SRC: variants seen among roughly 807,000 people sequenced by gnomAD.
The protein encoded by SRC is SRC proto-oncogene, non-receptor tyrosine kinase, also known as proto-oncogene tyrosine-protein kinase Src.
SRC carries 13 observed loss-of-function variants against 62.9 expected under a neutral mutation model. That is an observed-to-expected ratio of 0.21 (90% CI 0.13 to 0.33). The LOEUF is 0.33. Ranked by LOEUF, SRC falls within the 10% of genes least tolerant of loss-of-function variation. SRC has a pLI of 1.00. For missense variants in SRC, 457 were observed against 737.3 expected (o/e 0.62, Z 4.40); for synonymous variants, 302 against 317.5 (o/e 0.95, Z 0.52).
At chr20:37,345,137 T>C (rs1317848885), upstream of SRC, among the ~76,000 whole-genome samples, 2 of 152,022 alleles carry the variant, frequency 1.3e-5, no homozygotes, top group Non-Finnish European at 2.9e-5. Context: ...ATCTGTGAAA[T>C]GGGAGAACTT....
At chr20:37,375,114 A>T (rs1032887382) in intron 2 of SRC, among the ~76,000 whole-genome samples, 10 of 151,688 alleles carry the variant, frequency 6.6e-5, no homozygotes, top group African/African-American at 2.2e-4. Flanking sequence ...TATTTTTAGT[A>T]GAGACGAGGT....
rs76398008 is a variant in SRC at position 37,403,617 on chromosome 20, G to T, written c.*238G>T. The T allele has an allele frequency of 4.5e-3, 2,502 of 556,476 alleles. 10 individuals are homozygous for T. Among genetic ancestry groups the T allele is most frequent in the Non-Finnish European group, 5.9e-3 (1,838 of 310,182 alleles). 34.5% of individuals were successfully genotyped at this position (556,476 alleles called of 1,614,324 possible). ...ACTCTGTCCAGCTCCCGCTGTGGCC[G>T]CACGCCTCTCCCTGCACTCCCTCCT... On this transcript the variant is annotated 3_prime_UTR_variant, in exon 14 of 14. Transcript: ENST00000373578. The surrounding 1 kb of genome is among the most constrained non-coding windows in gnomAD (Gnocchi z 7.1).
chr20:37,397,974 A>T lies in SRC; in HGVS notation c.859+120A>T. The T allele has an allele frequency of 7.8e-7, 1 of 1,289,722 alleles. No individual in the cohort carries two copies. Among genetic ancestry groups the T allele is most frequent in the African/African-American group, 1.5e-5 (1 of 67,366 alleles). The allele number at this position is 1,289,722 out of a possible 1,614,324, so 79.9% of individuals were successfully genotyped here. On this transcript the variant is annotated intron_variant, in intron 9 of 13. Transcript: ENST00000373578. The surrounding 1 kb of genome is among the most constrained non-coding windows in gnomAD (Gnocchi z 4.1). Reference sequence around the variant, plus strand: ...TGCTGGATGACGGGGCCCTGTTGTAAATCTGGAGCTCCCCAGCGGTGGCTG... The same window carrying T: ...TGCTGGATGACGGGGCCCTGTTGTATATCTGGAGCTCCCCAGCGGTGGCTG...
At chr20:37,390,429 G>T (rs557827543) in intron 5 of SRC, among the ~76,000 whole-genome samples, 1 of 101,666 alleles carries the variant, frequency 9.8e-6, no homozygotes, top group African/African-American at 3.9e-5. Context: ...ACCGGATCTT[G>T]CTCTGTGGCC....
chr20:37,384,446 ACGGCGGGGAGG>A lies in SRC; in HGVS notation c.250+52_250+62del. 1.6e-6 allele frequency: 2 copies of A among 1,284,832 alleles called. No individual in the cohort carries two copies. The highest frequency in any genetic ancestry group is 2.0e-6 in the Non-Finnish European group (2 of 1,021,524). The allele number at this position is 1,284,832 out of a possible 1,614,324, so 79.6% of individuals were successfully genotyped here. A position where few individuals can be genotyped will look rare whatever the true frequency, so the allele number is the denominator to read the frequency against. On this transcript the variant is annotated intron_variant, in intron 4 of 13. Transcript: ENST00000373578. The surrounding 1 kb of genome is among the most constrained non-coding windows in gnomAD (Gnocchi z 6.7). ...GCGGGGTCCTCGCCCACCTGGGGCC[ACGGCGGGGAGG>A]CGGCGGGGCTGTGTGCCCGGGGTCG...
intron 1 of SRC, among the ~76,000 whole-genome samples, chr20:37,352,415 G>C (rs1423350612): frequency 1.3e-5 from 2 of 152,164 alleles, no homozygotes; most frequent in Non-Finnish European, 2.9e-5. Context: ...GGAAGGGAGT[G>C]GGGGGAAGAT....
rs2070408441 is a variant in SRC, at chr20:37,384,167, A to G, written c.14A>G (p.Lys5Arg). MGSN[K>R]SKPKDASQRR... ...CCTGCCAGGACCATGGGTAGCAACA[A>G]GAGCAAGCCCAAGGATGCCAGCCAG... Residue 5 changes from lysine to arginine, a missense_variant, in exon 4 of 14, where the codon AAG becomes AGG. Transcript: ENST00000373578. The surrounding 1 kb of genome is among the most constrained non-coding windows in gnomAD (Gnocchi z 6.7). 1 of 1,600,474 alleles carries G rather than the reference A, an allele frequency of 6.2e-7. No individual in the cohort carries two copies. The highest frequency in any genetic ancestry group is 1.4e-5 in the African/African-American group (1 of 73,734).
At chr20:37,387,336 T>A (rs2070472643) in intron 5 of SRC, among the ~76,000 whole-genome samples, 1 of 152,186 alleles carries the variant, frequency 6.6e-6, no homozygotes, top group Non-Finnish European at 1.5e-5. Flanking sequence ...CCAGTTGCCA[T>A]GCCAGTCGTC....
rs1028996765 is a variant in SRC at position 37,376,798 on chromosome 20, C to T, written c.-172-5821C>T. 5.3e-5 allele frequency among the ~76,000 whole-genome samples: 8 copies of T among 152,234 alleles called. No homozygotes were observed. In the South Asian group the frequency reaches 1.0e-3, roughly 20 times the overall value. ...AATTACAGGCATGAGCCATTGTGCCCGGCCCCACCTGTAGTTTTTGACTGC... is the reference window on the plus strand; with the variant it reads ...AATTACAGGCATGAGCCATTGTGCCTGGCCCCACCTGTAGTTTTTGACTGC... On this transcript the variant is annotated intron_variant, in intron 2 of 13. Transcript: ENST00000373578.
At position 37,394,286 on chromosome 20, in the gene SRC, G is replaced by T. The variant is rs376120012; in HGVS notation, c.553+9G>T. ...AAGTGAGACCACGAAAGGTACGAGCGCTCTTGCTGGCCAACGGATACTGAG... is the reference window on the plus strand; with the variant it reads ...AAGTGAGACCACGAAAGGTACGAGCTCTCTTGCTGGCCAACGGATACTGAG... On this transcript the variant is annotated intron_variant, in intron 7 of 13. Transcript: ENST00000373578. The T allele has an allele frequency of 2.5e-6, 4 of 1,611,098 alleles. No homozygotes were observed. The African/African-American group carries it at 5.3e-5, about 22-fold the overall frequency.
chr20:37,402,824 GGTC>G lies in SRC; in HGVS notation c.1347_1349del (p.Trp449_Ser450delinsCys). The G allele has an allele frequency of 6.2e-7, 1 of 1,614,084 alleles. No homozygotes were observed. Among genetic ancestry groups the G allele is most frequent in the Admixed American group, 1.7e-5 (1 of 60,008 alleles). On this transcript the variant is annotated inframe_deletion, in exon 13 of 14. Coordinates refer to ENST00000373578, the MANE Select transcript of SRC (RefSeq NM_198291.3). The surrounding 1 kb of genome is among the most constrained non-coding windows in gnomAD (Gnocchi z 6.2). ...CGCTTCACCATCAAGTCGGACGTGT[GGTC>G]CTTCGGGATCCTGCTGACTGAGCTC...
At chr20:37,376,088 G>T (rs999973777) in intron 2 of SRC, among the ~76,000 whole-genome samples, 1 of 152,216 alleles carries the variant, frequency 6.6e-6, no homozygotes, top group Non-Finnish European at 1.5e-5. Flanking sequence ...TGGGGTGGGG[G>T]ATGCACATTC....
intron 5 of SRC, among the ~76,000 whole-genome samples, chr20:37,388,510 C>G (rs2070491010): frequency 6.6e-6 from 1 of 152,234 alleles, no homozygotes; most frequent in Admixed American, 6.5e-5. Context: ...CTTTGGGAGG[C>G]TGAGGCAGGA....
chr20:37,368,584 G>T (rs1255079855), intron 2 of SRC, among the ~76,000 whole-genome samples: 1 of 90,782 alleles, frequency 1.1e-5, no homozygotes, highest in Non-Finnish European at 2.0e-5. Context: ...ACGGAGTCTC[G>T]CTCTGTCGCC....
Position 37,397,958 on chromosome 20 carries a change from A to G in SRC, c.859+104A>G. 1 of 1,374,824 alleles carries G rather than the reference A, an allele frequency of 7.3e-7. No individual in the cohort carries two copies. The highest frequency in any genetic ancestry group is 9.7e-7 in the Non-Finnish European group (1 of 1,032,906). 85.2% of individuals were successfully genotyped at this position (1,374,824 alleles called of 1,614,324 possible). On this transcript the variant is annotated intron_variant, in intron 9 of 13. Transcript: ENST00000373578. The surrounding 1 kb of genome is among the most constrained non-coding windows in gnomAD (Gnocchi z 4.1). The stretch of plus-strand genomic sequence containing the variant: ...TGCCTTTAGCTGCCTCTGCTGGATG[A>G]CGGGGCCCTGTTGTAAATCTGGAGC...
intron 2 of SRC, among the ~76,000 whole-genome samples, chr20:37,369,580 A>G (rs576055178): frequency 6.6e-6 from 1 of 152,230 alleles, no homozygotes; most frequent in South Asian, 2.1e-4. Flanking sequence ...ATTATCTGCA[A>G]AAAAAGAGAG....
At position 37,404,605 on chromosome 20, in the gene SRC, G is replaced by A. The variant is rs116160842; in HGVS notation, c.*1226G>A. 316 of 233,772 alleles carry A rather than the reference G, an allele frequency of 1.4e-3. 1 individual carries two copies. The highest frequency in any genetic ancestry group is 6.3e-3 in the African/African-American group (288 of 45,478). The allele number at this position is 233,772 out of a possible 1,614,324, so 14.5% of individuals were successfully genotyped here. On this transcript the variant is annotated 3_prime_UTR_variant, in exon 14 of 14. Coordinates refer to ENST00000373578, the MANE Select transcript of SRC (RefSeq NM_198291.3). The stretch of plus-strand genomic sequence containing the variant: ...AAGAGGACGTGTTACCCACTGCCAT[G>A]CACCAGGACTGGCTGTGTAACCTTG...
chr20:37,394,974 GCT>G (rs1446555087), intron 7 of SRC, among the ~76,000 whole-genome samples: 2 of 152,194 alleles, frequency 1.3e-5, no homozygotes, highest in Non-Finnish European at 2.9e-5. Context: ...GGAATGGACT[GCT>G]GTGGTTTGTC....
chr20:37,359,044 T>A (rs1221385485), intron 1 of SRC, among the ~76,000 whole-genome samples: 1 of 152,248 alleles, frequency 6.6e-6, no homozygotes, highest in Non-Finnish European at 1.5e-5. Flanking sequence ...TGGGTGGGGA[T>A]CAGGGCCTGG....
Sources: gnomAD v4.1 joint callset for allele counts (sites outside exome capture counted in the v4.1 genomes callset) on GRCh38, gnomAD v4.1.1 for gene constraint, Gnocchi (gnomAD v3.1) non-coding constraint, MANE v1.5 for transcripts, NCBI Gene and HGNC (gene_info 2026-07-23, HGNC 2026-07-21) for gene names.